TNXB: variants seen among roughly 807,000 people sequenced by gnomAD.
TNXB encodes the protein tenascin-X.
TNXB carries 183 observed loss-of-function variants against 340.5 expected under a neutral mutation model. The observed-to-expected ratio is 0.54, with a 90% confidence interval of 0.48 to 0.61. The LOEUF (loss-of-function observed/expected upper bound fraction) is 0.61. TNXB is among the 20% of genes least tolerant of loss of function. The pLI, the probability that TNXB is intolerant of heterozygous loss-of-function variation, is 0.00. For missense variants in TNXB, 4,613 were observed against 5,446.4 expected (o/e 0.85, Z 4.82); for synonymous variants, 2,121 against 2,314.5 (o/e 0.92, Z 2.40).
In TNXB at chr6:32,079,308, G is replaced by A. The variant is rs752709537; in HGVS notation, c.4100C>T (p.Pro1367Leu). Residue 1367 changes from proline to leucine, a missense_variant, in exon 11 of 44, where the codon CCG becomes CTG. Physicochemically the swap from Pro to Leu is moderately conservative, Grantham distance 98. Coordinates refer to ENST00000644971, the MANE Select transcript of TNXB (RefSeq NM_001365276.2). This position sits in a 1 kb window ranked among gnomAD's most constrained non-coding sequence, Gnocchi z 7.1. The part of the protein sequence containing the change: ...PSPTELGTEA[P>L]ESPEEPLLGE... The stretch of plus-strand genomic sequence containing the variant: ...CAGGAGCGGCTCCTCGGGGGACTCC[G>A]GGGCCTCCGTGCCCAGTTCTGTGGG... 43 of 1,612,588 alleles carry A rather than the reference G, an allele frequency of 2.7e-5. No individual in the cohort carries two copies. Among genetic ancestry groups the A allele is most frequent in the Admixed American group, 5.0e-5 (3 of 59,996 alleles).
In TNXB at chr6:32,047,019, G is replaced by T. The variant is rs980093788; in HGVS notation, c.10325-563C>A. 6.6e-6 allele frequency among the ~76,000 whole-genome samples: 1 copy of T among 152,238 alleles called. No homozygotes were observed. The highest frequency in any genetic ancestry group is 2.4e-5 in the African/African-American group (1 of 41,470). ...CCCACTGGGCCGGGGCAGCCAGGGT[G>T]GGGCAGGGAGAAGACAGGGGATTAG... On this transcript the variant is annotated intron_variant, in intron 30 of 43. Coordinates refer to ENST00000644971, the MANE Select transcript of TNXB (RefSeq NM_001365276.2). The surrounding 1 kb of genome is among the most constrained non-coding windows in gnomAD (Gnocchi z 6.2).
chr6:32,043,857 G>C lies in TNXB; in HGVS notation c.11422C>G (p.Arg3808Gly), dbSNP rs149197999. Reference sequence around the variant, plus strand: ...ATCAGCCCCTGGAGTTTCTGGGTCCGGGCCTGGCCATCCACCTGCACACTC... The same window carrying C: ...ATCAGCCCCTGGAGTTTCTGGGTCCCGGCCTGGCCATCCACCTGCACACTC... ...PQSVQVDGQARTQKLQGLIPG... is the reference protein window; with the variant it reads ...PQSVQVDGQAGTQKLQGLIPG... The change falls in exon 35 of 44, where the codon CGG becomes GGG. Residue 3808 changes from arginine to glycine, a missense_variant. Coordinates refer to ENST00000644971, the MANE Select transcript of TNXB (RefSeq NM_001365276.2). 7 of 1,613,738 alleles carry C rather than the reference G, an allele frequency of 4.3e-6. No homozygotes were observed. The highest frequency in any genetic ancestry group is 5.9e-6 in the Non-Finnish European group (7 of 1,179,998).
At chr6:32,100,911 C>T (rs1310953170) in intron 1 of TNXB, among the ~76,000 whole-genome samples, 3 of 151,080 alleles carry the variant, frequency 2.0e-5, no homozygotes, top group African/African-American at 7.3e-5. Flanking sequence ...GAAACCCCAT[C>T]TCTACTAAAA....
rs974554389 is a variant in TNXB at position 32,061,209 on chromosome 6, C to T, written c.7492+188G>A. On this transcript the variant is annotated intron_variant, in intron 21 of 43. Transcript: ENST00000644971. This position sits in a 1 kb window ranked among gnomAD's most constrained non-coding sequence, Gnocchi z 4.4. ...ACTCTTGGAGGTTATCAGTGGTTGACCATTAGAGGGAGGCCACGCCAAAGT... is the reference window on the plus strand; with the variant it reads ...ACTCTTGGAGGTTATCAGTGGTTGATCATTAGAGGGAGGCCACGCCAAAGT... 6.6e-6 allele frequency among the ~76,000 whole-genome samples: 1 copy of T among 151,718 alleles called. No homozygotes were observed. Among genetic ancestry groups the T allele is most frequent in the Non-Finnish European group, 1.5e-5 (1 of 68,032 alleles).
rs921131086 is a variant in TNXB, at chr6:32,067,362, T to C, written c.6544+299A>G. On this transcript the variant is annotated intron_variant, in intron 18 of 43. Transcript: ENST00000644971. This position sits in a 1 kb window ranked among gnomAD's most constrained non-coding sequence, Gnocchi z 4.2. ...ATTTAATTAATTTGTATTTCAAAAA[T>C]GTGTTCCAATCTCACAAAAAGAGTT... Among the ~76,000 whole-genome samples, 5 of 151,992 alleles carry C rather than the reference T, an allele frequency of 3.3e-5. No homozygotes were observed. Among genetic ancestry groups the C allele is most frequent in the African/African-American group, 9.7e-5 (4 of 41,252 alleles).
At position 32,086,004 on chromosome 6, in the gene TNXB, T is replaced by C; in HGVS notation, c.2894A>G (p.Glu965Gly). 1 of 1,606,324 alleles carries C rather than the reference T, an allele frequency of 6.2e-7. No homozygotes were observed. The highest frequency in any genetic ancestry group is 8.5e-7 in the Non-Finnish European group (1 of 1,178,280). The change falls in exon 7 of 44, where the codon GAG (glutamate) becomes GGG (glycine). Residue 965 changes from glutamate (E) to glycine (G), a missense_variant. Around this residue, in one of 7 missense-constraint regions of TNXB, gnomAD observed 4,327 missense variants for 4,859.4 expected, o/e 0.89. Coordinates refer to ENST00000644971, the MANE Select transcript of TNXB (RefSeq NM_001365276.2). ...LLQQRPQELG[E>G]LRVLGRDETG... ...CTCATCTCTGCCCAGCACCCTCAAC[T>C]CTCCCAGCTCCTGGGGGCGCTGCTG...
At position 32,079,495 on chromosome 6, in the gene TNXB, T is replaced by C; in HGVS notation, c.4043-130A>G. The C allele has an allele frequency of 1.3e-6, 1 of 781,614 alleles. No homozygotes were observed. Among genetic ancestry groups the C allele is most frequent in the Non-Finnish European group, 2.0e-6 (1 of 500,836 alleles). 48.4% of individuals were successfully genotyped at this position (781,614 alleles called of 1,614,324 possible). On this transcript the variant is annotated intron_variant, in intron 10 of 43. Coordinates refer to ENST00000644971, the MANE Select transcript of TNXB (RefSeq NM_001365276.2). This position sits in a 1 kb window ranked among gnomAD's most constrained non-coding sequence, Gnocchi z 7.1. The stretch of plus-strand genomic sequence containing the variant: ...GCCTTTGTATTTGCCATTCGGTCAC[T>C]CACGGATGGAGAAGGCTGAGACAGC...
In TNXB at chr6:32,090,402, C is replaced by T. The variant is rs529571152; in HGVS notation, c.2359-1023G>A. Among the ~76,000 whole-genome samples the T allele has an allele frequency of 6.6e-6, 1 of 152,198 alleles. No homozygotes were observed. Among genetic ancestry groups the T allele is most frequent in the Non-Finnish European group, 1.5e-5 (1 of 68,044 alleles). ...CAGGCAGGGTCTCCTGGAATGCCCA[C>T]CACTGGGGAAACAGGAGGAACTGTA... On this transcript the variant is annotated intron_variant, in intron 4 of 43. Transcript: ENST00000644971. The surrounding 1 kb of genome is among the most constrained non-coding windows in gnomAD (Gnocchi z 4.3).
Position 32,095,885 on chromosome 6 carries a change from G to A in TNXB, c.1968C>T (p.Cys656=). 1 of 1,612,546 alleles carries A rather than the reference G, an allele frequency of 6.2e-7. No homozygotes were observed. The highest frequency in any genetic ancestry group is 8.5e-7 in the Non-Finnish European group (1 of 1,179,426). ...CTTGCACACACCGCCCACGTCCCCG[G>A]CAGTCAGCCGGGCACATGCGGGTGG... ...TCATRMCPAD[C]RGRGRCVQGV... Residue 656 remains cysteine, a synonymous_variant, in exon 3 of 44, where the codon TGC becomes TGT. Transcript: ENST00000644971.
At chr6:32,077,005 A>T (rs993504045) in intron 11 of TNXB, among the ~76,000 whole-genome samples, 3 of 152,182 alleles carry the variant, frequency 2.0e-5, no homozygotes, top group African/African-American at 7.2e-5. Flanking sequence ...TAAAATAAAA[A>T]AATAAAAATC....
At chr6:32,059,088 T>C (rs1391774602) in intron 21 of TNXB, among the ~76,000 whole-genome samples, 1 of 151,788 alleles carries the variant, frequency 6.6e-6, no homozygotes, top group African/African-American at 2.4e-5. Context: ...CCACATAATG[T>C]TGCTGTATTA....
Position 32,070,826 on chromosome 6 carries a change from G to A in TNXB, c.4991-412C>T, listed in dbSNP as rs915865380. ...GGTGATTTGGCCGGCCCCGAGGAGC[G>A]CAGGATCCCTGATGGGGGCACTCGG... On this transcript the variant is annotated intron_variant, in intron 13 of 43. Coordinates refer to ENST00000644971, the MANE Select transcript of TNXB (RefSeq NM_001365276.2). This position sits in a 1 kb window ranked among gnomAD's most constrained non-coding sequence, Gnocchi z 6.0. Among the ~76,000 whole-genome samples, 1 of 152,238 alleles carries A rather than the reference G, an allele frequency of 6.6e-6. No individual in the cohort carries two copies. Among genetic ancestry groups the A allele is most frequent in the Admixed American group, 6.5e-5 (1 of 15,290 alleles).
In TNXB at chr6:32,097,664, G is replaced by T; in HGVS notation, c.403+132C>A. ...AGCCCAGCTCTGCTCTCCAAGTTGT[G>T]TTCTGGGCTGCATCCACACCCCTCA... On this transcript the variant is annotated intron_variant, in intron 2 of 43. Coordinates refer to ENST00000644971, the MANE Select transcript of TNXB (RefSeq NM_001365276.2). The surrounding 1 kb of genome is among the most constrained non-coding windows in gnomAD (Gnocchi z 5.9). The T allele has an allele frequency of 1.7e-6, 2 of 1,196,090 alleles. No homozygotes were observed. Among genetic ancestry groups the T allele is most frequent in the Non-Finnish European group, 2.3e-6 (2 of 880,942 alleles). 74.1% of individuals were successfully genotyped at this position (1,196,090 alleles called of 1,614,324 possible).
rs775671482 is a variant in TNXB, at chr6:32,053,506, C to T, written c.8673G>A (p.Pro2891=). The T allele has an allele frequency of 4.4e-5, 71 of 1,613,546 alleles. 1 individual carries two copies. Among genetic ancestry groups the T allele is most frequent in the African/African-American group, 1.9e-4 (14 of 75,034 alleles). ...GDGQPKVVRV[P]GHEDGVTISG... ...AGATGGTGACCCCGTCCTCGTGCCC[C>T]GGCACCCGCACCACCTTGGGCTGCC... Residue 2891 remains proline (P), a synonymous_variant, in exon 25 of 44, where the codon CCG becomes CCA. Transcript: ENST00000644971.
At position 32,098,267 on chromosome 6, in the gene TNXB, C is replaced by G. The variant is rs552607122; in HGVS notation, c.-8-61G>C. The G allele has an allele frequency of 6.6e-6, 9 of 1,358,256 alleles. No individual in the cohort carries two copies. The South Asian group carries it at 1.4e-4, about 21-fold the overall frequency. The allele number at this position is 1,358,256 out of a possible 1,614,324, so 84.1% of individuals were successfully genotyped here. A position where few individuals can be genotyped will look rare whatever the true frequency, so the allele number is the denominator to read the frequency against. On this transcript the variant is annotated intron_variant, in intron 1 of 43. Coordinates refer to ENST00000644971, the MANE Select transcript of TNXB (RefSeq NM_001365276.2). ...AAAAAGGAGACAAAATGAATCCCCC[C>G]TTCTCCAGCACATACCCACGGTCCC...
chr6:32,068,621 C>G lies in TNXB; in HGVS notation c.5989G>C (p.Asp1997His). The change falls in exon 17 of 44, where the codon GAT becomes CAT. Residue 1997 changes from aspartate to histidine, a missense_variant. Coordinates refer to ENST00000644971, the MANE Select transcript of TNXB (RefSeq NM_001365276.2). This position sits in a 1 kb window ranked among gnomAD's most constrained non-coding sequence, Gnocchi z 5.3. ...KPRLGELTVT[D>H]ATPDSLSLSW... ...AGGCTGAGGGAGTCAGGGGTGGCATCTGTCACGGTCAGCTCCCCCAGGCGA... is the reference window on the plus strand; with the variant it reads ...AGGCTGAGGGAGTCAGGGGTGGCATGTGTCACGGTCAGCTCCCCCAGGCGA... 1.2e-6 allele frequency: 2 copies of G among 1,613,958 alleles called. No individual in the cohort carries two copies. The highest frequency in any genetic ancestry group is 1.7e-6 in the Non-Finnish European group (2 of 1,179,892).
chr6:32,070,336 A>G lies in TNXB; in HGVS notation c.5069T>C (p.Leu1690Pro). 6.2e-7 allele frequency: 1 copy of G among 1,610,640 alleles called. No individual in the cohort carries two copies. Among genetic ancestry groups the G allele is most frequent in the Non-Finnish European group, 8.5e-7 (1 of 1,178,832 alleles). ...LWVTDPTPDS[L>P]RLSWTVPEGQ... ...CTCAGGAACCGTCCAGGAGAGGCGC[A>G]GTGAGTCTGGGGTGGGGTCTGTCAC... Residue 1690 changes from leucine (L) to proline (P), a missense_variant, in exon 14 of 44, where the codon CTG (leucine) becomes CCG (proline). Physicochemically the swap from Leu to Pro is moderately conservative, Grantham distance 98. This residue lies in a region of TNXB where 4,327 missense variants were observed against 4,859.4 expected (regional missense o/e 0.89). Coordinates refer to ENST00000644971, the MANE Select transcript of TNXB (RefSeq NM_001365276.2). The surrounding 1 kb of genome is among the most constrained non-coding windows in gnomAD (Gnocchi z 6.0).
chr6:32,050,241 G>T lies in TNXB; in HGVS notation c.9196C>A (p.Leu3066Met). Reference protein sequence around the residue: ...EPPIKPRLGELTVTDATPDSL... With the variant: ...EPPIKPRLGEMTVTDATPDSL... ...TCGGGGGTGGCATCTGTCACGGTCAGCTCCCCCAGGCGAGGCTTGATGGGG... is the reference window on the plus strand; with the variant it reads ...TCGGGGGTGGCATCTGTCACGGTCATCTCCCCCAGGCGAGGCTTGATGGGG... Residue 3066 changes from leucine (L) to methionine (M), a missense_variant, in exon 27 of 44, where the codon CTG becomes ATG. By Grantham distance (15) the Leu-to-Met change is conservative. This residue lies in a region of TNXB where 4,327 missense variants were observed against 4,859.4 expected (regional missense o/e 0.89). Coordinates refer to ENST00000644971, the MANE Select transcript of TNXB (RefSeq NM_001365276.2). 1.2e-6 allele frequency: 2 copies of T among 1,613,636 alleles called. No homozygotes were observed. Among genetic ancestry groups the T allele is most frequent in the Non-Finnish European group, 1.7e-6 (2 of 1,179,866 alleles).
rs1778720355 is a variant in TNXB at position 32,070,665 on chromosome 6, C to T, written c.4991-251G>A. ...TAGCTCCCTGCCTCATCTTACTCCC[C>T]TTTCTGTCCAGCCTCTTTCCGCCTC... On this transcript the variant is annotated intron_variant, in intron 13 of 43. Coordinates refer to ENST00000644971, the MANE Select transcript of TNXB (RefSeq NM_001365276.2). This position sits in a 1 kb window ranked among gnomAD's most constrained non-coding sequence, Gnocchi z 6.0. Among the ~76,000 whole-genome samples the T allele has an allele frequency of 6.6e-6, 1 of 152,306 alleles. No homozygotes were observed. The highest frequency in any genetic ancestry group is 2.4e-5 in the African/African-American group (1 of 41,574).
Sources: allele counts gnomAD v4.1 joint callset (sites outside exome capture counted in the v4.1 genomes callset), GRCh38; gene constraint gnomAD v4.1.1; regional missense constraint gnomAD v4.1.1; non-coding constraint Gnocchi (gnomAD v3.1); transcripts MANE v1.5; gene names NCBI Gene and HGNC (gene_info 2026-07-23, HGNC 2026-07-21).